The following PRDM1 variants were observed in gnomAD, a reference collection of about 807,000 sequenced individuals.
PRDM1 encodes the protein PR domain zinc finger protein 1.
Under a neutral mutation model 62.8 loss-of-function variants are expected in PRDM1, and 13 were observed. The ratio of observed to expected loss-of-function variants is 0.21; its 90% CI spans 0.13 to 0.33. PRDM1 has a LOEUF of 0.33. Ranked by LOEUF, PRDM1 falls within the 10% of genes least tolerant of loss-of-function variation. The pLI, the probability that PRDM1 is intolerant of heterozygous loss-of-function variation, is 1.00. For missense variants in PRDM1, 895 were observed against 1,058.8 expected, an observed-to-expected ratio of 0.85 and a Z score of 2.15; for synonymous variants, 396 against 417.6, an observed-to-expected ratio of 0.95 and a Z score of 0.63.
intron 1 of PRDM1, among the ~76,000 whole-genome samples, chr6:106,013,330 CTT>C (rs66943648): frequency 7.9e-5 from 11 of 140,090 alleles, no homozygotes; most frequent in Admixed American, 1.4e-4. Flanking sequence ...TTGAACTTTT[CTT>C]TTTTTTTTTT....
At chr6:106,038,034 T>TTTTTTTTTTTTTTA (rs71006667) in intron 1 of PRDM1, among the ~76,000 whole-genome samples, 1 of 133,330 alleles carries the variant, frequency 7.5e-6, no homozygotes, top group Non-Finnish European at 1.6e-5. Flanking sequence ...TTTTTTTTTT[T>TTTTTTTTTTTTTTA]GAGACAGAGT....
chr6:106,030,412 A>G (rs201926647), intron 1 of PRDM1, among the ~76,000 whole-genome samples: 1 of 152,116 alleles, frequency 6.6e-6, no homozygotes, highest in East Asian at 1.9e-4. Context: ...GCCTCAAGCA[A>G]TCCTCCCACC....
intron 1 of PRDM1, among the ~76,000 whole-genome samples, chr6:106,066,033 T>C (rs919552724): frequency 6.6e-6 from 1 of 152,232 alleles, no homozygotes; most frequent in Non-Finnish European, 1.5e-5. Context: ...TTCAGATGTG[T>C]TTAGCAGAAA....
chr6:106,056,057 T>C (rs1188306775), intron 1 of PRDM1, among the ~76,000 whole-genome samples: 1 of 152,192 alleles, frequency 6.6e-6, no homozygotes, highest in East Asian at 1.9e-4. Flanking sequence ...AGGTAGGAAC[T>C]GAGATATTTA....
In PRDM1 at chr6:106,106,061, G is replaced by T; in HGVS notation, c.1773+128G>T. 1 of 1,381,054 alleles carries T rather than the reference G, an allele frequency of 7.2e-7. No individual in the cohort carries two copies. Among genetic ancestry groups the T allele is most frequent in the Non-Finnish European group, 9.6e-7 (1 of 1,037,846 alleles). 85.5% of individuals were successfully genotyped at this position (1,381,054 alleles called of 1,614,324 possible). On this transcript the variant is annotated intron_variant, in intron 5 of 6. Transcript: ENST00000369096. The surrounding 1 kb of genome is among the most constrained non-coding windows in gnomAD (Gnocchi z 4.4). ...GCCCCCGGTTGGGGATAGTGGGTAT[G>T]GATTCCGCCTGGCTTTTGCCACTTC... is the stretch of plus-strand genomic sequence containing the variant.
In PRDM1 at chr6:106,086,353, G is replaced by A. The variant is rs538212684; in HGVS notation, c.-201G>A. 58 of 521,402 alleles carry A rather than the reference G, an allele frequency of 1.1e-4. No homozygotes were observed. The East Asian group carries it at 1.7e-3, about 15-fold the overall frequency. 32.3% of individuals were successfully genotyped at this position (521,402 alleles called of 1,614,324 possible). A position where few individuals can be genotyped will look rare whatever the true frequency, so the allele number is the denominator to read the frequency against. On this transcript the variant is annotated 5_prime_UTR_variant, in exon 1 of 7. Coordinates refer to ENST00000369096, the MANE Select transcript of PRDM1 (RefSeq NM_001198.4). ...AGACGGTTAACACAGACAAAGTGCTGCCGTGACACTCGGCCCTCCAGTGTT... is the reference window on the plus strand; with the variant it reads ...AGACGGTTAACACAGACAAAGTGCTACCGTGACACTCGGCCCTCCAGTGTT...
intron 4 of PRDM1, among the ~76,000 whole-genome samples, chr6:106,103,128 G>T (rs1239411715): frequency 3.3e-5 from 5 of 151,922 alleles, no homozygotes; most frequent in African/African-American, 1.2e-4. Context: ...TTTCCATCAC[G>T]GCCCCCCCGT....
At chr6:106,001,674 G>T (rs1418360010) in intron 1 of PRDM1, among the ~76,000 whole-genome samples, 1 of 152,016 alleles carries the variant, frequency 6.6e-6, no homozygotes, top group African/African-American at 2.4e-5. Flanking sequence ...CTCTTTTCTT[G>T]TCATTGGTCT....
chr6:106,003,655 C>T (rs1198959874), intron 1 of PRDM1, among the ~76,000 whole-genome samples: 46 of 152,172 alleles, frequency 3.0e-4, no homozygotes, highest in Admixed American at 3.0e-3. Flanking sequence ...AATTGGTTAG[C>T]TGTTTCTTTT....
At chr6:106,066,261 C>G (rs1297658574) in intron 1 of PRDM1, among the ~76,000 whole-genome samples, 1 of 152,178 alleles carries the variant, frequency 6.6e-6, no homozygotes, top group East Asian at 1.9e-4. Flanking sequence ...TACTCCTCAC[C>G]TGTCATAACT....
At chr6:106,091,207 C>T (rs891697671) in intron 2 of PRDM1, among the ~76,000 whole-genome samples, 1 of 151,018 alleles carries the variant, frequency 6.6e-6, no homozygotes, top group Non-Finnish European at 1.5e-5. Context: ...ACTGCTTGCA[C>T]TCAAGAGGCA....
At chr6:106,040,955 T>C (rs1772986053) in intron 1 of PRDM1, among the ~76,000 whole-genome samples, 2 of 152,230 alleles carry the variant, frequency 1.3e-5, no homozygotes, top group South Asian at 4.1e-4. Context: ...GACTATAGTA[T>C]ATTCAACCAT....
intron 2 of PRDM1, among the ~76,000 whole-genome samples, chr6:106,089,595 T>A (rs1455285413): frequency 1.3e-5 from 2 of 152,166 alleles, no homozygotes; most frequent in Non-Finnish European, 2.9e-5. Context: ...CTTTCTTTTT[T>A]CCCCCACTGC....
rs932395084 is a variant in PRDM1 at position 106,098,871 on chromosome 6, T to G, written c.412-429T>G. 5.3e-6 allele frequency: 8 copies of G among 1,514,322 alleles called. No individual in the cohort carries two copies. In the African/African-American group the frequency reaches 9.7e-5, roughly 18 times the overall value. The allele number at this position is 1,514,322 out of a possible 1,614,324, so 93.8% of individuals were successfully genotyped here. On this transcript the variant is annotated intron_variant, in intron 3 of 6. Coordinates refer to ENST00000369096, the MANE Select transcript of PRDM1 (RefSeq NM_001198.4). ...GAAAAAGCTAAGACTCAGTTTGACGTCGTCAGCCGGCTTGGTCTTCTACCC... is the reference window on the plus strand; with the variant it reads ...GAAAAAGCTAAGACTCAGTTTGACGGCGTCAGCCGGCTTGGTCTTCTACCC...
In PRDM1 at chr6:106,104,889, C is replaced by T; in HGVS notation, c.729C>T (p.Val243=). The part of the protein sequence containing the change: ...TEKNELCPKN[V]PKREYSVKEI... ...AAAATGAACTCTGCCCAAAGAATGT[C>T]CCAAAGAGAGAGTACAGCGTGAAAG... The change falls in exon 5 of 7, where the codon GTC becomes GTT. Residue 243 remains valine (V), a synonymous_variant. Transcript: ENST00000369096. The T allele has an allele frequency of 6.2e-7, 1 of 1,614,038 alleles. No homozygotes were observed. The highest frequency in any genetic ancestry group is 8.5e-7 in the Non-Finnish European group (1 of 1,179,984).
At chr6:106,052,563 G>A (rs1023909570) in intron 1 of PRDM1, among the ~76,000 whole-genome samples, 69 of 152,106 alleles carry the variant, frequency 4.5e-4, no homozygotes, top group African/African-American at 1.6e-3. Context: ...ATTAACAATT[G>A]TTTTGGATCC....
intron 1 of PRDM1, among the ~76,000 whole-genome samples, chr6:106,041,331 A>G (rs569999246): frequency 2.6e-5 from 4 of 152,240 alleles, no homozygotes; most frequent in African/African-American, 9.6e-5. Context: ...TCAGGAGCAG[A>G]ATGAGTCACT....
intron 2 of PRDM1, among the ~76,000 whole-genome samples, chr6:106,090,045 G>A (rs1773919544): frequency 6.6e-6 from 1 of 152,158 alleles, no homozygotes; most frequent in Admixed American, 6.5e-5. Context: ...GTCAAGTAAT[G>A]CTCTTAGATC....
upstream of PRDM1, among the ~76,000 whole-genome samples, chr6:106,081,389 C>T (rs1773691895): frequency 6.6e-6 from 1 of 152,184 alleles, no homozygotes; most frequent in Non-Finnish European, 1.5e-5. Flanking sequence ...TGATTTTGCT[C>T]CCTGAGCTGC....
Sources: allele counts gnomAD v4.1 joint callset (sites outside exome capture counted in the v4.1 genomes callset), GRCh38; gene constraint gnomAD v4.1.1; non-coding constraint Gnocchi (gnomAD v3.1); transcripts MANE v1.5; gene names NCBI Gene and HGNC (gene_info 2026-07-23, HGNC 2026-07-21).